The following TENM2 variants were observed in gnomAD, a reference collection of about 807,000 sequenced individuals.
The protein encoded by TENM2 is teneurin-2.
Under a neutral mutation model 245.2 loss-of-function variants are expected in TENM2, and 52 were observed. The ratio of observed to expected loss-of-function variants is 0.21; its 90% confidence interval spans 0.17 to 0.27. TENM2 has a LOEUF of 0.27. TENM2 is among the 10% of genes least tolerant of loss of function. The pLI is 1.00. For synonymous variants in TENM2, 1,363 were observed against 1,438.9 expected, an observed-to-expected ratio of 0.95 and a Z score of 1.19; for missense variants, 3,046 against 3,666.8, an observed-to-expected ratio of 0.83 and a Z score of 4.37.
At chr5:167,070,782 A>G in the TENM2 span, among the ~76,000 whole-genome samples, 3 of 152,146 alleles carry the variant, frequency 2.0e-5, no homozygotes, top group African/African-American at 4.8e-5. Context: ...CACTGTACCC[A>G]GTGTACTACT....
intron 19 of TENM2, among the ~76,000 whole-genome samples, chr5:168,209,797 C>T (rs964356513): frequency 6.6e-6 from 1 of 152,138 alleles, no homozygotes; most frequent in Non-Finnish European, 1.5e-5. Context: ...CTCTCCTGGG[C>T]CTTCTACTAA....
the TENM2 span, among the ~76,000 whole-genome samples, chr5:167,103,483 T>A: frequency 6.6e-6 from 1 of 152,214 alleles, no homozygotes; most frequent in Admixed American, 6.5e-5. Flanking sequence ...GAGCAGAAGC[T>A]CATGAGTCAC....
At chr5:167,711,493 C>A (rs1758904708) in intron 2 of TENM2, among the ~76,000 whole-genome samples, 1 of 152,112 alleles carries the variant, frequency 6.6e-6, no homozygotes, top group Admixed American at 6.5e-5. Flanking sequence ...GACCCCTGGG[C>A]CAATATTTCC....
chr5:167,909,332 A>G (rs1375311011), intron 3 of TENM2, among the ~76,000 whole-genome samples: 1 of 152,172 alleles, frequency 6.6e-6, no homozygotes, highest in Non-Finnish European at 1.5e-5. Flanking sequence ...GTTCTGTTGC[A>G]TAATGTAATC....
rs371917421 is a variant in TENM2, at chr5:167,957,599, C to G, written c.947+4777C>G. Among the ~76,000 whole-genome samples the G allele has an allele frequency of 4.6e-5, 7 of 152,168 alleles. No individual in the cohort carries two copies. In the South Asian group the frequency reaches 6.2e-4, roughly 14 times the overall value. ...GATTTTAGATTGTTCCTGCTTTCTC[C>G]TATGGGCATTTAGTGCTATAAATTT... On this transcript the variant is annotated intron_variant, in intron 4 of 28. Coordinates refer to ENST00000518659, the Ensembl canonical transcript of TENM2.
At chr5:167,290,590 T>C (rs1331319118) in intron 1 of TENM2, among the ~76,000 whole-genome samples, 1 of 152,152 alleles carries the variant, frequency 6.6e-6, no homozygotes, top group Non-Finnish European at 1.5e-5. Flanking sequence ...AGAACTTTTT[T>C]CCAGCTTGTT....
intron 2 of TENM2, among the ~76,000 whole-genome samples, chr5:167,778,819 G>A (rs2150818109): frequency 6.6e-6 from 1 of 152,314 alleles, no homozygotes; most frequent in African/African-American, 2.4e-5. Context: ...AGTCATGTGT[G>A]TGTGTGTGAC....
intron 2 of TENM2, among the ~76,000 whole-genome samples, chr5:167,441,003 C>T (rs1218762845): frequency 6.6e-6 from 1 of 152,146 alleles, no homozygotes; most frequent in Non-Finnish European, 1.5e-5. Flanking sequence ...CTAACCTCCT[C>T]CCCAACTTCC....
chr5:168,246,927 C>T (rs1369739027), exon 27 of TENM2: 15 of 1,613,898 alleles, frequency 9.3e-6, no homozygotes, highest in Non-Finnish European at 3.4e-6. Context: ...ATGCTTCGGT[C>T]ATCTTTGACT....
At chr5:167,778,243 A>C (rs1763944706) in intron 2 of TENM2, among the ~76,000 whole-genome samples, 1 of 152,234 alleles carries the variant, frequency 6.6e-6, no homozygotes, top group Non-Finnish European at 1.5e-5. Flanking sequence ...TCATGGATGC[A>C]TGGATTCTGC....
chr5:167,914,621 G>T (rs1401230620), intron 3 of TENM2, among the ~76,000 whole-genome samples: 1 of 152,084 alleles, frequency 6.6e-6, no homozygotes, highest in Non-Finnish European at 1.5e-5. Flanking sequence ...CCACTGAATG[G>T]GTGGCTTCAA....
At chr5:168,228,946 A>G (rs1581697619) in intron 25 of TENM2, among the ~76,000 whole-genome samples, 1 of 147,868 alleles carries the variant, frequency 6.8e-6, no homozygotes, top group South Asian at 2.1e-4. Context: ...GTATAATTAT[A>G]TACATTATAT....
intron 2 of TENM2, among the ~76,000 whole-genome samples, chr5:167,753,499 T>A (rs1762092541): frequency 6.6e-6 from 1 of 152,178 alleles, no homozygotes; most frequent in Non-Finnish European, 1.5e-5. Context: ...AGAGACTGGA[T>A]GTTGGTAATA....
rs146377378 is a variant in TENM2, at chr5:167,767,011, C to A, written c.503-108975C>A. 3.6e-3 allele frequency among the ~76,000 whole-genome samples: 550 copies of A among 152,214 alleles called. 8 individuals are homozygous for A. Among genetic ancestry groups the A allele is most frequent in the Non-Finnish European group, 5.0e-3 (338 of 68,014 alleles). ...TGTAGTGGTTCCTCAAAACATTAAA[C>A]GTACAATTACCATATGATCCAAATC... On this transcript the variant is annotated intron_variant, in intron 2 of 28. Transcript: ENST00000518659.
chr5:168,152,507 G>T (rs1756738746), intron 12 of TENM2, among the ~76,000 whole-genome samples: 1 of 152,150 alleles, frequency 6.6e-6, no homozygotes, highest in African/African-American at 2.4e-5. Context: ...CCCTCCTGTG[G>T]CTATAAGGAT....
intron 3 of TENM2, among the ~76,000 whole-genome samples, chr5:167,905,168 G>A (rs997695402): frequency 2.0e-4 from 31 of 152,046 alleles, no homozygotes; most frequent in African/African-American, 6.5e-4. Context: ...CCCCAAATGC[G>A]AACATAACTG....
intron 9 of TENM2, among the ~76,000 whole-genome samples, chr5:168,100,947 G>C (rs1046132651): frequency 6.9e-6 from 1 of 145,660 alleles, no homozygotes; most frequent in South Asian, 2.2e-4. Context: ...AAAAAGACAA[G>C]ATGCTGCCCG....
chr5:167,512,977 G>C (rs1770069500), intron 2 of TENM2, among the ~76,000 whole-genome samples: 1 of 152,136 alleles, frequency 6.6e-6, no homozygotes. Flanking sequence ...GGAGTGATAG[G>C]GGATTGGATT....
chr5:167,743,445 A>G (rs1761339770), intron 2 of TENM2, among the ~76,000 whole-genome samples: 1 of 152,172 alleles, frequency 6.6e-6, no homozygotes, highest in Admixed American at 6.5e-5. Context: ...CGATTCTTAA[A>G]TGATGTTTAG....
Sources: gnomAD v4.1 joint callset for allele counts (sites outside exome capture counted in the v4.1 genomes callset) on GRCh38, gnomAD v4.1.1 for gene constraint, MANE v1.5 for transcripts, NCBI Gene and HGNC (gene_info 2026-07-23, HGNC 2026-07-21) for gene names.